ERBB4: variants seen among roughly 807,000 people sequenced by gnomAD.
ERBB4 encodes receptor tyrosine-protein kinase erbB-4.
A neutral mutation model predicts 158.0 loss-of-function variants in ERBB4; 42 were observed. The ratio of observed to expected loss-of-function variants is 0.27; its 90% CI spans 0.21 to 0.34. The LOEUF is 0.34. Among genes scored for constraint, ERBB4 ranks in the 10% least tolerant of loss-of-function variants. ERBB4 has a pLI of 1.00. For missense variants in ERBB4, 1,333 were observed against 1,624.1 expected, an observed-to-expected ratio of 0.82 and a Z score of 3.08; for synonymous variants, 583 against 558.7, an observed-to-expected ratio of 1.04 and a Z score of -0.61.
intron 22 of ERBB4, among the ~76,000 whole-genome samples, 164 bp downstream of exon 22, chr2:211,428,244 T>TA (rs55915612): frequency 1.1e-3 from 147 of 129,578 alleles, no homozygotes; most frequent in Admixed American, 2.8e-3. Flanking sequence ...AAATAAAATA[T>TA]TTTTTTTTCA....
At chr2:212,346,315 C>G (rs1487371106) in intron 1 of ERBB4, among the ~76,000 whole-genome samples, 4 of 151,826 alleles carry the variant, frequency 2.6e-5, no homozygotes, top group East Asian at 1.9e-4. Flanking sequence ...ATGGCCCCCC[C>G]CAAGAAAAGC....
intron 2 of ERBB4, among the ~76,000 whole-genome samples, chr2:211,953,733 G>T (rs914469299): frequency 2.0e-5 from 3 of 151,972 alleles, no homozygotes; most frequent in Non-Finnish European, 4.4e-5. Flanking sequence ...AGCCTTGAAT[G>T]CTTCAAAACT....
intron 20 of ERBB4, among the ~76,000 whole-genome samples, chr2:211,470,573 C>T (rs1031383849): frequency 2.6e-5 from 4 of 151,860 alleles, no homozygotes; most frequent in African/African-American, 7.3e-5. Flanking sequence ...TGTTTTGATA[C>T]CTCAGTTTTC....
chr2:212,327,967 T>C (rs2087939031), intron 1 of ERBB4, among the ~76,000 whole-genome samples: 1 of 151,306 alleles, frequency 6.6e-6, no homozygotes, highest in Non-Finnish European at 1.5e-5. Context: ...ATTTGTCATC[T>C]AAATCCAAAA....
intron 6 of ERBB4, among the ~76,000 whole-genome samples, chr2:211,723,542 C>T (rs1454538231): frequency 6.6e-6 from 1 of 152,050 alleles, no homozygotes; most frequent in Non-Finnish European, 1.5e-5. Context: ...TTAGCAAGCA[C>T]TTTATCATAA....
chr2:211,772,805 T>G (rs2075725926), intron 4 of ERBB4, among the ~76,000 whole-genome samples: 1 of 87,310 alleles, frequency 1.1e-5, no homozygotes, highest in Non-Finnish European at 2.1e-5. Flanking sequence ...TTCACCATAC[T>G]GGGATATATA....
At chr2:211,681,579 C>A (rs1276202198) in intron 12 of ERBB4, among the ~76,000 whole-genome samples, 1 of 152,090 alleles carries the variant, frequency 6.6e-6, no homozygotes, top group East Asian at 1.9e-4. Context: ...TGTAGTAGTT[C>A]CTGATTGTGG....
intron 7 of ERBB4, among the ~76,000 whole-genome samples, chr2:211,714,342 T>A (rs2073825291): frequency 6.6e-6 from 1 of 152,196 alleles, no homozygotes; most frequent in Non-Finnish European, 1.5e-5. Context: ...CAATACCTGC[T>A]AGGCCACTCT....
intron 19 of ERBB4, among the ~76,000 whole-genome samples, chr2:211,584,703 CAT>C (rs1380119303): frequency 6.6e-6 from 1 of 151,488 alleles, no homozygotes; most frequent in Non-Finnish European, 1.5e-5. Context: ...TAAAAGCTCA[CAT>C]AGAAAAAAGT....
At chr2:212,311,782 G>T (rs1253783681) in intron 1 of ERBB4, among the ~76,000 whole-genome samples, 1 of 150,980 alleles carries the variant, frequency 6.6e-6, no homozygotes, top group Admixed American at 6.6e-5. Context: ...TTAACCAGAA[G>T]CAATGACATT....
At chr2:211,849,932 C>T (rs1278949184) in intron 3 of ERBB4, among the ~76,000 whole-genome samples, 2 of 146,214 alleles carry the variant, frequency 1.4e-5, no homozygotes, top group Non-Finnish European at 3.0e-5. Flanking sequence ...ATAAGGGTTT[C>T]TCCATGAATC....
At chr2:211,740,622 CTTT>C (rs1169540948) in intron 5 of ERBB4, among the ~76,000 whole-genome samples, 14,533 of 88,792 alleles carry the variant, frequency 0.16, 244 homozygotes, top group Non-Finnish European at 0.19. Flanking sequence ...TTTTCTTTGT[CTTT>C]TTTTTTTTTT....
intron 1 of ERBB4, among the ~76,000 whole-genome samples, chr2:212,537,943 G>A (rs565820426): frequency 6.6e-6 from 1 of 152,288 alleles, no homozygotes; most frequent in East Asian, 1.9e-4. Flanking sequence ...GACTGGGGGC[G>A]CAGCGGTCGC....
chr2:211,725,383 T>C (rs2074232896), intron 5 of ERBB4, among the ~76,000 whole-genome samples, 189 bp from the exon 6 acceptor site: 2 of 152,174 alleles, frequency 1.3e-5, no homozygotes, highest in Admixed American at 6.5e-5. Context: ...TTATTTCATT[T>C]TTATATTCTT....
intron 1 of ERBB4, among the ~76,000 whole-genome samples, chr2:212,360,716 T>C (rs1356082822): frequency 2.0e-5 from 3 of 151,708 alleles, no homozygotes; most frequent in East Asian, 3.9e-4. Context: ...TCAGTGACCA[T>C]ACTGAAAAAT....
At chr2:212,108,144 G>A (rs577103295) in intron 2 of ERBB4, among the ~76,000 whole-genome samples, 2 of 152,178 alleles carry the variant, frequency 1.3e-5, no homozygotes, top group East Asian at 3.9e-4. Context: ...GATAAGCACT[G>A]TGGCACAGAT....
At chr2:212,025,480 C>A (rs1191834861) in intron 2 of ERBB4, among the ~76,000 whole-genome samples, 1 of 151,764 alleles carries the variant, frequency 6.6e-6, no homozygotes, top group African/African-American at 2.4e-5. Flanking sequence ...AAATGCTGAT[C>A]CTCAAGAACA....
chr2:212,127,090 C>T (rs1040018595), intron 1 of ERBB4, among the ~76,000 whole-genome samples: 6 of 152,142 alleles, frequency 3.9e-5, no homozygotes, highest in Non-Finnish European at 7.4e-5. Context: ...AGTTGAAGTC[C>T]TAATTCCCAT....
chr2:211,930,344 G>C (rs1021071370), intron 3 of ERBB4, among the ~76,000 whole-genome samples: 2 of 152,182 alleles, frequency 1.3e-5, no homozygotes, highest in Non-Finnish European at 2.9e-5. Flanking sequence ...CAATGTGAGA[G>C]TTTAAGCTGT....
Sources: gnomAD v4.1 joint callset for allele counts (sites outside exome capture counted in the v4.1 genomes callset) on GRCh38, gnomAD v4.1.1 for gene constraint, MANE v1.5 for transcripts, NCBI Gene and HGNC (gene_info 2026-07-23, HGNC 2026-07-21) for gene names.